The following RCAN2 variants were observed in gnomAD, a reference collection of about 807,000 sequenced individuals.
The protein encoded by RCAN2 is calcipressin-2.
In RCAN2, 9 loss-of-function variants were observed where a neutral mutation model predicts 23.6. The observed-to-expected ratio is 0.38, with a 90% CI of 0.23 to 0.67. RCAN2 has a LOEUF of 0.67. Ranked by LOEUF, RCAN2 falls within the 30% of genes least tolerant of loss-of-function variation. The pLI, the probability that RCAN2 is intolerant of heterozygous loss-of-function variation, is 0.51. For missense variants in RCAN2, 273 were observed against 302.3 expected, an observed-to-expected ratio of 0.90 and a Z score of 0.72; for synonymous variants, 109 against 115.7, an observed-to-expected ratio of 0.94 and a Z score of 0.37.
intron 2 of RCAN2, among the ~76,000 whole-genome samples, chr6:46,250,622 C>A (rs538489904): frequency 2.0e-4 from 31 of 152,178 alleles, no homozygotes; most frequent in Non-Finnish European, 3.8e-4. Context: ...CATGGACAGT[C>A]AGTAGCAGAG....
intron 2 of RCAN2, among the ~76,000 whole-genome samples, chr6:46,317,381 T>C (rs1025164684): frequency 6.6e-6 from 1 of 152,198 alleles, no homozygotes; most frequent in African/African-American, 2.4e-5. Context: ...GTTTTAAGCA[T>C]CAGATGAAAT....
intron 2 of RCAN2, among the ~76,000 whole-genome samples, chr6:46,447,606 G>T: frequency 6.6e-6 from 1 of 151,586 alleles, no homozygotes; most frequent in East Asian, 1.9e-4. Flanking sequence ...AGCACAAAAA[G>T]GTCTTAACAA....
chr6:46,237,634 T>C (rs1328457236), intron 4 of RCAN2, among the ~76,000 whole-genome samples: 3 of 152,248 alleles, frequency 2.0e-5, no homozygotes, highest in Non-Finnish European at 2.9e-5. Flanking sequence ...CAGGTTGTTG[T>C]GTATCGCTAA....
chr6:46,323,073 T>C (rs1465625515), intron 2 of RCAN2, among the ~76,000 whole-genome samples: 3 of 152,128 alleles, frequency 2.0e-5, no homozygotes. Context: ...GCTAGAGTGT[T>C]TGTGTGTATT....
chr6:46,411,163 C>T (rs551403882), intron 2 of RCAN2, among the ~76,000 whole-genome samples: 5 of 152,296 alleles, frequency 3.3e-5, no homozygotes, highest in African/African-American at 1.2e-4. Flanking sequence ...GTGTCATATA[C>T]CTATGATGGA....
chr6:46,263,541 GTGTGTGTGTGTGTGTGTGTA>G, intron 2 of RCAN2, among the ~76,000 whole-genome samples: 1 of 36,196 alleles, frequency 2.8e-5, no homozygotes, highest in East Asian at 7.8e-4. Context: ...GTGTGTGTAT[GTGTGTGTGTGTGTGTGTGTA>G]TGTGTGTGTG....
At chr6:46,349,519 T>C (rs1351981553) in intron 2 of RCAN2, among the ~76,000 whole-genome samples, 1 of 151,772 alleles carries the variant, frequency 6.6e-6, no homozygotes, top group African/African-American at 2.4e-5. Flanking sequence ...ATTCCACACG[T>C]ATTTCTATGT....
At chr6:46,321,536 A>T (rs1763617447) in intron 2 of RCAN2, among the ~76,000 whole-genome samples, 1 of 152,228 alleles carries the variant, frequency 6.6e-6, no homozygotes, top group Non-Finnish European at 1.5e-5. Flanking sequence ...TGTGTCCTAC[A>T]TGGATGCCCA....
At chr6:46,316,923 C>T (rs1248297140) in intron 2 of RCAN2, among the ~76,000 whole-genome samples, 1 of 152,096 alleles carries the variant, frequency 6.6e-6, no homozygotes, top group Non-Finnish European at 1.5e-5. Context: ...AATCCCAGTC[C>T]AAGTTTTCCC....
At chr6:46,339,213 G>C (rs533816085) in intron 2 of RCAN2, among the ~76,000 whole-genome samples, 2 of 151,766 alleles carry the variant, frequency 1.3e-5, no homozygotes, top group South Asian at 4.2e-4. Context: ...TTGGTAGAAA[G>C]AAATGAAAAA....
At chr6:46,411,361 C>T (rs1345966628) in intron 2 of RCAN2, among the ~76,000 whole-genome samples, 1 of 152,102 alleles carries the variant, frequency 6.6e-6, no homozygotes, top group Non-Finnish European at 1.5e-5. Flanking sequence ...TCAATGGGTA[C>T]AGAGTTTCAG....
At chr6:46,359,468 G>A (rs1243172956) in intron 2 of RCAN2, among the ~76,000 whole-genome samples, 2 of 152,182 alleles carry the variant, frequency 1.3e-5, no homozygotes, top group Non-Finnish European at 2.9e-5. Context: ...CAAATTGTAG[G>A]AAAGCAGAAA....
intron 4 of RCAN2, among the ~76,000 whole-genome samples, chr6:46,243,816 AAAAAAAAAAAAAAAAAC>A (rs954144458): frequency 3.7e-4 from 55 of 150,454 alleles, no homozygotes; most frequent in Admixed American, 2.2e-3. Flanking sequence ...TCTCAAAAAA[AAAAAAAAAAAAAAAAAC>A]CAAGAAATAA....
rs79612641 is a variant in RCAN2, at chr6:46,376,328, C to A, written c.225+80424G>T. ...TTTGCAAAACCTAGAGTGTTGATAA[C>A]AAAATCAAATTGAAGAACTAAAACC... On this transcript the variant is annotated intron_variant, in intron 2 of 4. Transcript: ENST00000371374. Among the ~76,000 whole-genome samples the A allele has an allele frequency of 0.013, 1,924 of 152,214 alleles. 151 individuals carry two copies. The East Asian group carries it at 0.22, about 17-fold the overall frequency.
At chr6:46,290,213 A>G (rs796527648) in intron 2 of RCAN2, among the ~76,000 whole-genome samples, 6 of 152,304 alleles carry the variant, frequency 3.9e-5, no homozygotes, top group African/African-American at 1.4e-4. Context: ...CTGTGCCCCA[A>G]TACAGGATTT....
intron 2 of RCAN2, among the ~76,000 whole-genome samples, chr6:46,281,926 C>T (rs895135569): frequency 2.6e-5 from 4 of 152,108 alleles, no homozygotes; most frequent in Non-Finnish European, 4.4e-5. Flanking sequence ...TCTCTAGCAT[C>T]CATTAACCAC....
chr6:46,356,689 T>C (rs1187980384), intron 2 of RCAN2, among the ~76,000 whole-genome samples: 1 of 151,908 alleles, frequency 6.6e-6, no homozygotes, highest in Non-Finnish European at 1.5e-5. Flanking sequence ...TGATGAGAAA[T>C]GGGAGGCTCA....
At chr6:46,246,946 A>C in intron 3 of RCAN2, 27 bp from the exon 4 acceptor site, 1 of 1,475,742 alleles carries the variant, frequency 6.8e-7, no homozygotes, top group East Asian at 2.5e-5. Context: ...AGATGAAGAA[A>C]CTTATTCATC....
At chr6:46,357,804 GA>G (rs2150381660) in intron 2 of RCAN2, among the ~76,000 whole-genome samples, 1 of 152,316 alleles carries the variant, frequency 6.6e-6, no homozygotes, top group African/African-American at 2.4e-5. Context: ...AAGGAGAATT[GA>G]AAATTGCTTG....
Sources: allele counts gnomAD v4.1 joint callset (sites outside exome capture counted in the v4.1 genomes callset), GRCh38; gene constraint gnomAD v4.1.1; transcripts MANE v1.5; gene names NCBI Gene and HGNC (gene_info 2026-07-23, HGNC 2026-07-21).